Variants in RARB observed in about 807,000 individuals in gnomAD.
RARB encodes the protein HBV-activated protein.
A neutral mutation model predicts 51.9 loss-of-function variants in RARB; 17 were observed. The ratio of observed to expected loss-of-function variants is 0.33; its 90% CI spans 0.22 to 0.49. The LOEUF (loss-of-function observed/expected upper bound fraction) is 0.49. RARB is among the 20% of genes least tolerant of loss of function. The probability of loss-of-function intolerance (pLI) is 0.99; values close to 1 mark genes in which losing one functional copy is unlikely to be tolerated. For missense variants in RARB, 369 were observed against 550.8 expected, an observed-to-expected ratio of 0.67 and a Z score of 3.30; for synonymous variants, 215 against 195.4, an observed-to-expected ratio of 1.10 and a Z score of -0.84.
chr3:25,463,051 T>G (rs1349528728), intron 2 of RARB, among the ~76,000 whole-genome samples: 2 of 152,170 alleles, frequency 1.3e-5, no homozygotes, highest in East Asian at 3.9e-4. Flanking sequence ...AAAGCTTTTT[T>G]GTAGAGATGG....
At chr3:25,331,166 C>A (rs1010709578) in intron 5 of RARB, among the ~76,000 whole-genome samples, 10 of 152,180 alleles carry the variant, frequency 6.6e-5, no homozygotes, top group African/African-American at 2.4e-4. Flanking sequence ...AGCTCTGCAC[C>A]AAGCAGACCT....
At chr3:24,930,049 C>T (rs2363524) in intron 2 of RARB, among the ~76,000 whole-genome samples, 79,450 of 151,868 alleles carry the variant, frequency 0.52, 21,528 homozygotes, top group East Asian at 0.71. Flanking sequence ...TCCTGCAACT[C>T]CTTTTGATGT....
chr3:24,950,117 T>A lies in RARB; in HGVS notation c.-380+91365T>A, dbSNP rs4858668. Among the ~76,000 whole-genome samples the A allele has an allele frequency of 1.7e-3, 252 of 152,356 alleles. 1 individual carries two copies. The highest frequency in any genetic ancestry group is 4.4e-3 in the Admixed American group (68 of 15,310). ...TAATCACTTGAATCACAAAGACTGA[T>A]TTTTATGGGAGACCTCTCATTTTAT... On this transcript the variant is annotated intron_variant, in intron 2 of 11. Transcript: ENST00000383772.
At chr3:24,859,098 G>A (rs1702692683) in intron 2 of RARB, among the ~76,000 whole-genome samples, 1 of 151,022 alleles carries the variant, frequency 6.6e-6, no homozygotes, top group Non-Finnish European at 1.5e-5. Context: ...TAGAAGCTAT[G>A]GTCAGTAATT....
chr3:25,575,590 A>G (rs1482741280), intron 4 of RARB, among the ~76,000 whole-genome samples: 1 of 152,062 alleles, frequency 6.6e-6, no homozygotes, highest in Non-Finnish European at 1.5e-5. Flanking sequence ...GTTGCATGAC[A>G]CCAATCCTCC....
chr3:24,996,502 T>C (rs931895465), intron 2 of RARB, among the ~76,000 whole-genome samples: 1 of 152,060 alleles, frequency 6.6e-6, no homozygotes, highest in Non-Finnish European at 1.5e-5. Flanking sequence ...TTTTGAGTTT[T>C]GCTTATCCTT....
intron 2 of RARB, among the ~76,000 whole-genome samples, chr3:24,902,049 A>G (rs1161443769): frequency 6.6e-6 from 1 of 151,764 alleles, no homozygotes; most frequent in Non-Finnish European, 1.5e-5. Context: ...ATACATAAGG[A>G]AAGAACAGCA....
chr3:25,006,841 A>C (rs1314573986), intron 2 of RARB, among the ~76,000 whole-genome samples: 1 of 152,152 alleles, frequency 6.6e-6, no homozygotes, highest in African/African-American at 2.4e-5. Context: ...TATTTGATTT[A>C]TAAATTCACT....
At chr3:25,595,636 TCTGTA>T (rs975468963) in intron 7 of RARB, among the ~76,000 whole-genome samples, 2 of 152,228 alleles carry the variant, frequency 1.3e-5, no homozygotes, top group Non-Finnish European at 2.9e-5. Flanking sequence ...ACAGAAATAA[TCTGTA>T]CTGTCCAGTT....
At chr3:25,279,465 C>T (rs1331072676) in intron 5 of RARB, among the ~76,000 whole-genome samples, 3 of 151,932 alleles carry the variant, frequency 2.0e-5, no homozygotes, top group African/African-American at 7.3e-5. Flanking sequence ...AGTTCAGATG[C>T]TTCTAGGGAA....
intron 2 of RARB, among the ~76,000 whole-genome samples, chr3:25,472,469 A>G (rs1695744175): frequency 6.6e-6 from 1 of 152,178 alleles, no homozygotes; most frequent in Admixed American, 6.6e-5. Flanking sequence ...GAAAGAAATT[A>G]TGGATTTGGT....
rs527953412 is a variant in RARB, at chr3:25,494,613, T to C, written c.307-6569T>C. Among the ~76,000 whole-genome samples the C allele has an allele frequency of 8.1e-4, 124 of 152,314 alleles. 4 individuals are homozygous for C. The South Asian group carries it at 0.025, about 31-fold the overall frequency. ...AGTGTTCACTTGACTTACTGTTTCT[T>C]CTGTACTGAGAAAGGACAGGAACCA... On this transcript the variant is annotated intron_variant, in intron 2 of 7. Transcript: ENST00000330688.
intron 3 of RARB, among the ~76,000 whole-genome samples, chr3:25,082,042 A>T (rs529690858): frequency 6.6e-6 from 1 of 152,272 alleles, no homozygotes; most frequent in East Asian, 1.9e-4. Flanking sequence ...CTACTCTGTC[A>T]AAGTCTACCT....
At position 24,954,563 on chromosome 3, in the gene RARB, T is replaced by C. The variant is rs773109223; in HGVS notation, c.-380+95811T>C. 5.3e-5 allele frequency among the ~76,000 whole-genome samples: 8 copies of C among 152,186 alleles called. No individual in the cohort carries two copies. In the East Asian group the frequency reaches 1.2e-3, roughly 22 times the overall value. On this transcript the variant is annotated intron_variant, in intron 2 of 11. Coordinates refer to the RARB transcript ENST00000383772. Reference sequence around the variant, plus strand: ...TGTGATTCACTGAAAGTTTTATAAATAGCAATTCCATCAATCTAGAACCTG... The same window carrying C: ...TGTGATTCACTGAAAGTTTTATAAACAGCAATTCCATCAATCTAGAACCTG...
chr3:25,127,681 A>G (rs1699884109), intron 3 of RARB, among the ~76,000 whole-genome samples: 1 of 152,016 alleles, frequency 6.6e-6, no homozygotes, highest in East Asian at 1.9e-4. Flanking sequence ...GAAACGAAGG[A>G]GCGAAGGAGG....
intron 5 of RARB, among the ~76,000 whole-genome samples, chr3:25,315,630 T>C (rs529222346): frequency 5.9e-5 from 9 of 152,316 alleles, no homozygotes; most frequent in African/African-American, 2.2e-4. Flanking sequence ...TAATCTTTTT[T>C]TGAGACAGAG....
chr3:25,025,885 T>A (rs1487849746), intron 2 of RARB, among the ~76,000 whole-genome samples: 1 of 152,106 alleles, frequency 6.6e-6, no homozygotes, highest in African/African-American at 2.4e-5. Context: ...GAGCTATATG[T>A]CAAATTATGT....
At chr3:25,040,581 A>C (rs1436405270) in intron 2 of RARB, among the ~76,000 whole-genome samples, 1 of 152,002 alleles carries the variant, frequency 6.6e-6, no homozygotes, top group Non-Finnish European at 1.5e-5. Flanking sequence ...AAAAATACAA[A>C]AATTATCCAG....
chr3:25,134,781 T>A (rs1700007425), intron 4 of RARB, among the ~76,000 whole-genome samples: 1 of 151,884 alleles, frequency 6.6e-6, no homozygotes, highest in Non-Finnish European at 1.5e-5. Flanking sequence ...ATGTTCATTA[T>A]GGAAGAATGA....
Sources: allele counts gnomAD v4.1 joint callset (sites outside exome capture counted in the v4.1 genomes callset), GRCh38; gene constraint gnomAD v4.1.1; transcripts MANE v1.5; gene names NCBI Gene and HGNC (gene_info 2026-07-23, HGNC 2026-07-21).